NPAS3: variants seen among roughly 807,000 people sequenced by gnomAD.
NPAS3 encodes neuronal PAS domain-containing protein 3.
In NPAS3, 14 loss-of-function variants were observed where a neutral mutation model predicts 73.1. The ratio of observed to expected loss-of-function variants is 0.19; its 90% CI spans 0.13 to 0.30. NPAS3 has a LOEUF of 0.30. Ranked by LOEUF, NPAS3 falls within the 10% of genes least tolerant of loss-of-function variation. The pLI, the probability that NPAS3 is intolerant of heterozygous loss-of-function variation, is 1.00. For missense variants in NPAS3, 1,096 were observed against 1,250.0 expected, an observed-to-expected ratio of 0.88 and a Z score of 1.86; for synonymous variants, 620 against 541.5, an observed-to-expected ratio of 1.14 and a Z score of -2.01.
intron 7 of NPAS3, among the ~76,000 whole-genome samples, chr14:33,748,715 GA>G (rs2061875531): frequency 6.6e-6 from 1 of 152,118 alleles, no homozygotes; most frequent in Non-Finnish European, 1.5e-5. Context: ...AAAACAAAGC[GA>G]ACAATTGACT....
chr14:33,234,856 C>T (rs978861826), intron 3 of NPAS3, among the ~76,000 whole-genome samples: 1 of 152,078 alleles, frequency 6.6e-6, no homozygotes, highest in Non-Finnish European at 1.5e-5. Context: ...CGTGTTGCAA[C>T]TCATCATCTG....
chr14:33,001,203 C>G (rs549442954), intron 1 of NPAS3, among the ~76,000 whole-genome samples: 120 of 152,228 alleles, frequency 7.9e-4, no homozygotes, highest in African/African-American at 2.7e-3. Context: ...TTCTAAGAAC[C>G]TCTTTCATTC....
chr14:33,130,797 C>T (rs1449190138), intron 2 of NPAS3, among the ~76,000 whole-genome samples: 1 of 152,072 alleles, frequency 6.6e-6, no homozygotes, highest in Non-Finnish European at 1.5e-5. Flanking sequence ...GAAATAGAAC[C>T]TCAGTATTAA....
chr14:33,465,880 A>C (rs1370552520), intron 4 of NPAS3, among the ~76,000 whole-genome samples: 1 of 152,170 alleles, frequency 6.6e-6, no homozygotes, highest in South Asian at 2.1e-4. Context: ...GAATCACACG[A>C]GATCCAACAG....
intron 5 of NPAS3, among the ~76,000 whole-genome samples, chr14:33,564,872 G>A (rs575524191): frequency 1.1e-4 from 17 of 152,306 alleles, no homozygotes; most frequent in Non-Finnish European, 1.9e-4. Flanking sequence ...ACATTTGTAT[G>A]GGGTGATACC....
At position 33,408,702 on chromosome 14, in the gene NPAS3, C is replaced by T. The variant is rs1399789971; in HGVS notation, c.468+41434C>T. Among the ~76,000 whole-genome samples, 7 of 152,200 alleles carry T rather than the reference C, an allele frequency of 4.6e-5. No homozygotes were observed. The South Asian group carries it at 6.2e-4, about 14-fold the overall frequency. ...GTAGTTTTCTGGGCACTGTCCCATA[C>T]GAACTGCTGTCCAGTGTCTTTTGTG... On this transcript the variant is annotated intron_variant, in intron 4 of 11. Transcript: ENST00000356141.
chr14:33,322,975 T>C (rs1209844721), intron 3 of NPAS3, among the ~76,000 whole-genome samples: 1 of 152,222 alleles, frequency 6.6e-6, no homozygotes, highest in Non-Finnish European at 1.5e-5. Flanking sequence ...AAGTTCTGCC[T>C]ATAAATTAAG....
At chr14:33,524,552 T>G (rs1697301827) in intron 4 of NPAS3, among the ~76,000 whole-genome samples, 1 of 152,222 alleles carries the variant, frequency 6.6e-6, no homozygotes, top group African/African-American at 2.4e-5. Flanking sequence ...TCTTAAAGCT[T>G]ATGGTTGTAT....
chr14:33,160,831 G>T (rs185188833), intron 2 of NPAS3, among the ~76,000 whole-genome samples: 163 of 152,114 alleles, frequency 1.1e-3, no homozygotes, highest in African/African-American at 3.8e-3. Flanking sequence ...TGTGGCCAGT[G>T]GCTAGCAAGC....
chr14:33,200,840 A>G (rs1316707069), intron 2 of NPAS3, among the ~76,000 whole-genome samples: 3 of 152,190 alleles, frequency 2.0e-5, no homozygotes, highest in Non-Finnish European at 4.4e-5. Context: ...CCCTGTTACT[A>G]TTCAGCAGTG....
Position 33,636,329 on chromosome 14 carries a change from A to C in NPAS3, c.559-39882A>C, listed in dbSNP as rs141566865. On this transcript the variant is annotated intron_variant, in intron 5 of 11. Coordinates refer to ENST00000356141, the Ensembl canonical transcript of NPAS3. ...TCCATTTATGAAAAAGTGTTTGCCCAGTGTCAGCATTAAAGGCTCACGCTA... is the reference window on the plus strand; with the variant it reads ...TCCATTTATGAAAAAGTGTTTGCCCCGTGTCAGCATTAAAGGCTCACGCTA... Among the ~76,000 whole-genome samples the C allele has an allele frequency of 2.2e-3, 328 of 152,348 alleles. 2 individuals carry two copies. In the Middle Eastern group the frequency reaches 0.031, roughly 14 times the overall value.
At chr14:33,442,225 C>T (rs142530767) in intron 4 of NPAS3, among the ~76,000 whole-genome samples, 170 of 152,246 alleles carry the variant, frequency 1.1e-3, no homozygotes, top group African/African-American at 3.9e-3. Flanking sequence ...GCAGCCACTT[C>T]ACTGTTTATT....
At chr14:33,591,552 A>G (rs944180526) in intron 5 of NPAS3, among the ~76,000 whole-genome samples, 6 of 152,166 alleles carry the variant, frequency 3.9e-5, no homozygotes, top group African/African-American at 1.4e-4. Flanking sequence ...CAGAATTCCT[A>G]AAAGGTGCCT....
chr14:33,644,638 G>A (rs71419951), intron 5 of NPAS3, among the ~76,000 whole-genome samples: 2 of 152,140 alleles, frequency 1.3e-5, no homozygotes, highest in African/African-American at 4.8e-5. Flanking sequence ...TCTTGCCAGA[G>A]GTCACAGAGC....
chr14:33,003,392 T>G (rs1953440), intron 1 of NPAS3, among the ~76,000 whole-genome samples: 1 of 152,192 alleles, frequency 6.6e-6, no homozygotes, highest in African/African-American at 2.4e-5. Flanking sequence ...ACTAAATGCA[T>G]GTGAAACTTA....
At chr14:33,792,215 ATGCAACCTGTGGAGCCACGCCACCAAGAG>A (rs2063378240) in intron 9 of NPAS3, among the ~76,000 whole-genome samples, 1 of 152,146 alleles carries the variant, frequency 6.6e-6, no homozygotes. Context: ...GGAGAGTACA[ATGCAACCTGTGGAGCCACGCCACCAAGAG>A]AAGGTGACAG....
intron 3 of NPAS3, among the ~76,000 whole-genome samples, chr14:33,254,848 G>A (rs1181758434): frequency 6.6e-6 from 1 of 152,056 alleles, no homozygotes; most frequent in African/African-American, 2.4e-5. Flanking sequence ...AGGTATGTAT[G>A]AGGAAAACTC....
chr14:33,795,621 G>A (rs1399766136), intron 10 of NPAS3, among the ~76,000 whole-genome samples: 1 of 152,164 alleles, frequency 6.6e-6, no homozygotes, highest in African/African-American at 2.4e-5. Context: ...CCATGTTGAT[G>A]AAACATAGAT....
At chr14:33,244,694 C>T (rs534469513) in intron 3 of NPAS3, among the ~76,000 whole-genome samples, 10 of 152,160 alleles carry the variant, frequency 6.6e-5, no homozygotes, top group East Asian at 1.9e-4. Flanking sequence ...CTCTTTTGAC[C>T]GGTTCTCTAC....
Sources: allele counts gnomAD v4.1 joint callset (sites outside exome capture counted in the v4.1 genomes callset), GRCh38; gene constraint gnomAD v4.1.1; transcripts MANE v1.5; gene names NCBI Gene and HGNC (gene_info 2026-07-23, HGNC 2026-07-21).